Variants in SCHIP1 observed in about 807,000 individuals in gnomAD.
SCHIP1 encodes schwannomin interacting protein 1.
SCHIP1 carries 8 observed loss-of-function variants against 29.7 expected under a neutral mutation model. That is an observed-to-expected ratio of 0.27 (90% confidence interval 0.16 to 0.49). The LOEUF is 0.49. Ranked by LOEUF, SCHIP1 falls within the 20% of genes least tolerant of loss-of-function variation. The pLI is 0.99. For missense variants in SCHIP1, 193 were observed against 294.6 expected, an observed-to-expected ratio of 0.66 and a Z score of 2.52; for synonymous variants, 76 against 94.9, an observed-to-expected ratio of 0.80 and a Z score of 1.16.
the SCHIP1 span, among the ~76,000 whole-genome samples, chr3:159,469,978 G>A: frequency 6.6e-6 from 1 of 152,020 alleles, no homozygotes; most frequent in Non-Finnish European, 1.5e-5. Flanking sequence ...TTCTAGTAAT[G>A]CAAAGATAGT....
the SCHIP1 span, among the ~76,000 whole-genome samples, chr3:159,422,612 C>G: frequency 1.3e-5 from 2 of 152,118 alleles, no homozygotes; most frequent in Non-Finnish European, 1.5e-5. Flanking sequence ...CACTGCCCAC[C>G]CTCCAAGATG....
the SCHIP1 span, among the ~76,000 whole-genome samples, chr3:159,530,399 C>A: frequency 6.6e-6 from 1 of 152,168 alleles, no homozygotes; most frequent in Non-Finnish European, 1.5e-5. Context: ...GCTTGACCAC[C>A]ATATGGCACC....
chr3:159,838,132 A>G (rs1743852550), upstream of SCHIP1, among the ~76,000 whole-genome samples: 1 of 152,246 alleles, frequency 6.6e-6, no homozygotes, highest in Non-Finnish European at 1.5e-5. Flanking sequence ...CTCACTAGGA[A>G]GGCTGAAATG....
the SCHIP1 span, among the ~76,000 whole-genome samples, chr3:159,718,111 C>G: frequency 6.6e-6 from 1 of 152,166 alleles, no homozygotes; most frequent in Non-Finnish European, 1.5e-5. Context: ...ATTATATAAA[C>G]AGAACCAAAG....
the SCHIP1 span, among the ~76,000 whole-genome samples, chr3:159,628,441 CAG>C: frequency 3.3e-5 from 5 of 152,182 alleles, no homozygotes; most frequent in Admixed American, 3.3e-4. Flanking sequence ...AGAAGAAAAA[CAG>C]AAAATGGAAG....
At chr3:159,646,583 T>G in the SCHIP1 span, among the ~76,000 whole-genome samples, 1 of 152,102 alleles carries the variant, frequency 6.6e-6, no homozygotes, top group Non-Finnish European at 1.5e-5. Context: ...GGCCTTACCT[T>G]CAGTAAGATA....
chr3:159,310,357 T>C, the SCHIP1 span, among the ~76,000 whole-genome samples: 1 of 152,354 alleles, frequency 6.6e-6, no homozygotes, highest in East Asian at 1.9e-4. Context: ...GTTACTTCAT[T>C]ATTTTAAATT....
chr3:159,807,277 C>T, the SCHIP1 span, among the ~76,000 whole-genome samples: 3 of 152,078 alleles, frequency 2.0e-5, no homozygotes, highest in South Asian at 2.1e-4. Flanking sequence ...ATTTGTGCTT[C>T]GGGGAGAAAG....
At chr3:159,578,826 C>T in the SCHIP1 span, among the ~76,000 whole-genome samples, 1 of 152,070 alleles carries the variant, frequency 6.6e-6, no homozygotes, top group Admixed American at 6.6e-5. Context: ...CTTATAAGAA[C>T]CCTAGTGATT....
chr3:159,363,889 A>G, the SCHIP1 span, among the ~76,000 whole-genome samples: 1 of 152,354 alleles, frequency 6.6e-6, no homozygotes, highest in Non-Finnish European at 1.5e-5. Context: ...GGAAGAATAA[A>G]AGAGAAAATC....
intron 1 of SCHIP1, among the ~76,000 whole-genome samples, chr3:159,849,902 A>G (rs1683292091): frequency 6.6e-6 from 1 of 152,238 alleles, no homozygotes; most frequent in African/African-American, 2.4e-5. Context: ...TCACGTACTT[A>G]GTCAACAGCT....
At chr3:159,404,335 G>A in the SCHIP1 span, among the ~76,000 whole-genome samples, 2 of 152,134 alleles carry the variant, frequency 1.3e-5, no homozygotes, top group Non-Finnish European at 2.9e-5. Flanking sequence ...GGACTCTTGG[G>A]ATGTCTGATT....
chr3:159,771,379 T>C, the SCHIP1 span, among the ~76,000 whole-genome samples: 3 of 152,228 alleles, frequency 2.0e-5, no homozygotes, highest in African/African-American at 7.2e-5. Flanking sequence ...ATAAGTTGTG[T>C]GATTCTGCAG....
chr3:159,843,495 A>G (rs1455006775), intron 1 of SCHIP1, among the ~76,000 whole-genome samples: 7 of 152,012 alleles, frequency 4.6e-5, no homozygotes, highest in African/African-American at 1.4e-4. Context: ...ACAGATGGAT[A>G]TGTCTACTAT....
At chr3:159,621,584 T>G in the SCHIP1 span, among the ~76,000 whole-genome samples, 1 of 152,150 alleles carries the variant, frequency 6.6e-6, no homozygotes, top group African/African-American at 2.4e-5. Context: ...ATATAACAAC[T>G]ATATATGCTT....
At chr3:159,571,234 C>A in the SCHIP1 span, among the ~76,000 whole-genome samples, 238 of 152,246 alleles carry the variant, frequency 1.6e-3, 2 homozygotes, top group African/African-American at 5.3e-3. Flanking sequence ...GGGAATGCTT[C>A]CAGTTTTTGC....
chr3:159,756,639 A>G, the SCHIP1 span, among the ~76,000 whole-genome samples: 2 of 152,208 alleles, frequency 1.3e-5, no homozygotes, highest in East Asian at 3.8e-4. Context: ...ATTTCTCCTC[A>G]GAAAATGGGT....
chr3:159,729,620 A>G, the SCHIP1 span, among the ~76,000 whole-genome samples: 3 of 152,214 alleles, frequency 2.0e-5, no homozygotes, highest in Admixed American at 2.0e-4. Flanking sequence ...ACATTAGAAT[A>G]AAAATAACAA....
the SCHIP1 span, among the ~76,000 whole-genome samples, chr3:159,563,806 AGAGT>A: frequency 6.6e-6 from 1 of 152,206 alleles, no homozygotes; most frequent in Non-Finnish European, 1.5e-5. Flanking sequence ...CTTGAGGGAC[AGAGT>A]GAGACCCTGT....
Sources: gnomAD v4.1 joint callset for allele counts (sites outside exome capture counted in the v4.1 genomes callset) on GRCh38, gnomAD v4.1.1 for gene constraint, MANE v1.5 for transcripts, NCBI Gene and HGNC (gene_info 2026-07-23, HGNC 2026-07-21) for gene names.